Variants in FANCC observed in about 807,000 individuals in gnomAD.
FANCC encodes the protein FA complementation group C.
Under a neutral mutation model 71.3 loss-of-function variants are expected in FANCC, and 55 were observed. That is an observed-to-expected ratio of 0.77 (90% CI 0.62 to 0.97). The LOEUF (loss-of-function observed/expected upper bound fraction) is 0.97, where lower values mean the gene tolerates loss of function less well. Ranked by LOEUF, FANCC falls within the 50% of genes least tolerant of loss-of-function variation. FANCC has a pLI of 0.00. For synonymous variants in FANCC, 275 were observed against 244.9 expected (o/e 1.12, Z -1.15); for missense variants, 678 against 670.9 (o/e 1.01, Z -0.12).
Position 95,217,691 on chromosome 9 carries a change from G to C in FANCC, c.345+22958C>G, listed in dbSNP as rs987403430. 7.2e-5 allele frequency among the ~76,000 whole-genome samples: 11 copies of C among 152,218 alleles called. 1 individual carries two copies. Among genetic ancestry groups the C allele is most frequent in the African/African-American group, 2.6e-4 (11 of 41,536 alleles). On this transcript the variant is annotated intron_variant, in intron 4 of 14. Coordinates refer to ENST00000289081, the MANE Select transcript of FANCC (RefSeq NM_000136.3). ...AAGAAAGGTCTCTGAGCAAGTATTT[G>C]TCACCAGCTTAAGAGCTAGGGTAAG...
intron 3 of FANCC, among the ~76,000 whole-genome samples, chr9:95,243,701 G>C (rs1830767586): frequency 6.6e-6 from 1 of 152,130 alleles, no homozygotes; most frequent in Non-Finnish European, 1.5e-5. Context: ...GGCTGAGGCA[G>C]GAGAATGGCG....
chr9:95,200,499 C>T (rs1202905203), intron 4 of FANCC, among the ~76,000 whole-genome samples: 2 of 152,150 alleles, frequency 1.3e-5, no homozygotes, highest in African/African-American at 4.8e-5. Context: ...GTCTAAGCAG[C>T]TGTTTACGGG....
At chr9:95,173,339 G>A (rs183948544) in intron 4 of FANCC, among the ~76,000 whole-genome samples, 97 of 152,262 alleles carry the variant, frequency 6.4e-4, no homozygotes, top group African/African-American at 2.1e-3. Context: ...ACTTCCAGGG[G>A]TGTGTCTGCC....
At chr9:95,110,350 G>A (rs1278862428) in intron 13 of FANCC, 3 of 1,019,668 alleles carry the variant, frequency 2.9e-6, no homozygotes, top group African/African-American at 1.7e-5. Flanking sequence ...AAATAAGACA[G>A]AATATAAAAG....
At chr9:95,138,881 G>A (rs778708298) in intron 7 of FANCC, among the ~76,000 whole-genome samples, 4 of 152,334 alleles carry the variant, frequency 2.6e-5, no homozygotes, top group Non-Finnish European at 4.4e-5. Flanking sequence ...GTTTGAAAAC[G>A]ATGTGTGTTA....
At chr9:95,257,219 C>G (rs1831719341) in intron 1 of FANCC, among the ~76,000 whole-genome samples, 2 of 152,224 alleles carry the variant, frequency 1.3e-5, no homozygotes, top group Non-Finnish European at 2.9e-5. Flanking sequence ...CACCCCAAAT[C>G]AACAGAATAT....
At chr9:95,307,677 C>A (rs1255937429) in intron 1 of FANCC, among the ~76,000 whole-genome samples, 1 of 152,124 alleles carries the variant, frequency 6.6e-6, no homozygotes, top group Non-Finnish European at 1.5e-5. Flanking sequence ...ATTAGACAGG[C>A]TTGTGGTGAA....
In FANCC at chr9:95,149,995, A is replaced by G; in HGVS notation, c.614T>C (p.Ile205Thr). Residue 205 changes from isoleucine (I) to threonine (T), a missense_variant, in exon 7 of 15, where the codon ATC becomes ACC. Physicochemically the swap from Ile to Thr is moderately conservative, Grantham distance 89 (BLOSUM62 -1). Transcript: ENST00000289081. ...TTCCTGAGGTTCACGTCCATGACAG[A>G]TGAGGAGAGCCTCCACCAGGGGGTC... is the stretch of plus-strand genomic sequence containing the variant. The part of the protein sequence containing the change: ...DVDPLVEALL[I>T]CHGREPQEIL... 6.2e-7 allele frequency: 1 copy of G among 1,613,966 alleles called. No individual in the cohort carries two copies. The highest frequency in any genetic ancestry group is 1.3e-5 in the African/African-American group (1 of 75,052).
intron 6 of FANCC, among the ~76,000 whole-genome samples, chr9:95,152,408 G>A (rs901155864): frequency 2.6e-5 from 4 of 152,142 alleles, no homozygotes; most frequent in African/African-American, 7.2e-5. Context: ...GAACAAGCAC[G>A]TATATATCTG....
At chr9:95,243,210 A>G (rs2136064517) in intron 3 of FANCC, among the ~76,000 whole-genome samples, 1 of 152,328 alleles carries the variant, frequency 6.6e-6, no homozygotes, top group South Asian at 2.1e-4. Flanking sequence ...TGAAGAAGAG[A>G]GGTAACAGCT....
chr9:95,282,097 GAC>G (rs1254251643), intron 1 of FANCC, among the ~76,000 whole-genome samples: 9 of 151,646 alleles, frequency 5.9e-5, no homozygotes, highest in Non-Finnish European at 1.2e-4. Context: ...CCAATTAAAA[GAC>G]ACAGAGTAGC....
chr9:95,159,340 T>C (rs761394689), intron 6 of FANCC, among the ~76,000 whole-genome samples: 4 of 152,224 alleles, frequency 2.6e-5, no homozygotes, highest in Non-Finnish European at 5.9e-5. Context: ...GCTACATCCA[T>C]GTCCATGCAA....
intron 7 of FANCC, among the ~76,000 whole-genome samples, chr9:95,139,190 T>G (rs539465044): frequency 4.6e-5 from 7 of 152,128 alleles, no homozygotes; most frequent in Non-Finnish European, 5.9e-5. Context: ...CCGATAAAAA[T>G]GTGCAGCTCT....
intron 13 of FANCC, 33 bp downstream of exon 13, chr9:95,111,430 C>T (rs754515069): frequency 6.2e-7 from 1 of 1,605,012 alleles, no homozygotes; most frequent in Admixed American, 1.7e-5. Context: ...CCAGAGCCCA[C>T]CCCAAACACA....
chr9:95,139,957 T>C (rs1177763767), intron 7 of FANCC, among the ~76,000 whole-genome samples: 1 of 151,378 alleles, frequency 6.6e-6, no homozygotes, highest in Non-Finnish European at 1.5e-5. Context: ...GTTCAATACG[T>C]TAGTGACAGA....
intron 1 of FANCC, among the ~76,000 whole-genome samples, chr9:95,283,284 T>C (rs570174665): frequency 1.2e-4 from 18 of 152,314 alleles, no homozygotes; most frequent in African/African-American, 4.1e-4. Context: ...TTAGGCACCA[T>C]ACCATATCTG....
intron 7 of FANCC, among the ~76,000 whole-genome samples, chr9:95,137,631 T>C (rs1465073329): frequency 6.6e-6 from 1 of 152,132 alleles, no homozygotes; most frequent in Non-Finnish European, 1.5e-5. Flanking sequence ...ATTTGGAGTG[T>C]CTGAGGCACA....
rs143403183 is a variant in FANCC at position 95,288,481 on chromosome 9, T to A, written c.-79+29045A>T. Reference sequence around the variant, plus strand: ...TTAGCATGCACTGATGCAAATTCTATTGACAAGCCATACTTTAATACAAGT... The same window carrying A: ...TTAGCATGCACTGATGCAAATTCTAATGACAAGCCATACTTTAATACAAGT... On this transcript the variant is annotated intron_variant, in intron 1 of 14. Transcript: ENST00000289081. Among the ~76,000 whole-genome samples, 21 of 152,372 alleles carry A rather than the reference T, an allele frequency of 1.4e-4. 1 individual carries two copies. The East Asian group carries it at 4.0e-3, about 29-fold the overall frequency.
At chr9:95,245,127 A>G (rs1249304303) in intron 3 of FANCC, among the ~76,000 whole-genome samples, 3 of 152,208 alleles carry the variant, frequency 2.0e-5, no homozygotes, top group Non-Finnish European at 4.4e-5. Context: ...CTTTCTAAAA[A>G]GCAATTAATA....
Sources: gnomAD v4.1 joint callset for allele counts (sites outside exome capture counted in the v4.1 genomes callset) on GRCh38, gnomAD v4.1.1 for gene constraint, MANE v1.5 for transcripts, NCBI Gene and HGNC (gene_info 2026-07-23, HGNC 2026-07-21) for gene names.